The following AGPS variants were observed in gnomAD, a reference collection of about 807,000 sequenced individuals.
AGPS encodes alkyldihydroxyacetonephosphate synthase, peroxisomal.
AGPS carries 26 observed loss-of-function variants against 90.7 expected under a neutral mutation model. The ratio of observed to expected loss-of-function variants is 0.29; its 90% CI spans 0.21 to 0.40. The LOEUF (loss-of-function observed/expected upper bound fraction) is 0.40. Among genes scored for constraint, AGPS ranks in the 10% least tolerant of loss-of-function variants. AGPS has a pLI of 1.00. For missense variants in AGPS, 540 were observed against 816.1 expected, an observed-to-expected ratio of 0.66 and a Z score of 4.12; for synonymous variants, 294 against 285.3, an observed-to-expected ratio of 1.03 and a Z score of -0.31.
At chr2:177,413,150 G>C (rs1285491001) in intron 1 of AGPS, among the ~76,000 whole-genome samples, 1 of 152,176 alleles carries the variant, frequency 6.6e-6, no homozygotes, top group Non-Finnish European at 1.5e-5. Flanking sequence ...GAACCCAAAG[G>C]GGGTTGCCCA....
intron 11 of AGPS, among the ~76,000 whole-genome samples, chr2:177,486,711 C>G (rs1010988176): frequency 2.3e-5 from 1 of 42,914 alleles, no homozygotes; most frequent in Non-Finnish European, 7.7e-5. Context: ...TGACTGTTCA[C>G]AAATAGCAAA....
intron 11 of AGPS, among the ~76,000 whole-genome samples, chr2:177,490,358 C>A (rs1194551330): frequency 6.6e-6 from 1 of 152,040 alleles, no homozygotes; most frequent in African/African-American, 2.4e-5. Flanking sequence ...TTAGTTATGA[C>A]AATAACTGAA....
At chr2:177,521,650 T>C (rs1269363973) in intron 18 of AGPS, among the ~76,000 whole-genome samples, 1 of 152,204 alleles carries the variant, frequency 6.6e-6, no homozygotes, top group East Asian at 1.9e-4. Flanking sequence ...ATTAAATAAC[T>C]ATATAGGAAT....
intron 10 of AGPS, among the ~76,000 whole-genome samples, chr2:177,477,042 G>C (rs1440719994): frequency 6.6e-6 from 1 of 151,964 alleles, no homozygotes; most frequent in South Asian, 2.1e-4. Flanking sequence ...TGAATTTAAA[G>C]TGTAGATTCT....
chr2:177,499,751 T>C (rs1688506119), intron 14 of AGPS, 21 bp downstream of exon 14: 1 of 1,462,504 alleles, frequency 6.8e-7, no homozygotes, highest in Non-Finnish European at 9.6e-7. Flanking sequence ...AAGTTCATAA[T>C]GCCAAGAGAA....
At chr2:177,438,248 G>A (rs1351173990) in intron 5 of AGPS, among the ~76,000 whole-genome samples, 1 of 152,080 alleles carries the variant, frequency 6.6e-6, no homozygotes, top group African/African-American at 2.4e-5. Context: ...TTTTCTTCAT[G>A]TCTTTCAATA....
chr2:177,521,399 C>T (rs368010739), intron 18 of AGPS, 31 bp downstream of exon 18: 6 of 1,493,490 alleles, frequency 4.0e-6, no homozygotes, highest in Non-Finnish European at 5.6e-6. Flanking sequence ...ATAGCTTTTA[C>T]AGCTGTTGAT....
rs920897913 is a variant in AGPS, at chr2:177,539,323, T to C, written c.*1128T>C. The C allele has an allele frequency of 9.9e-5, 15 of 152,146 alleles. No individual in the cohort carries two copies. The highest frequency in any genetic ancestry group is 3.4e-4 in the African/African-American group (14 of 41,566). 9.4% of individuals were successfully genotyped at this position (152,146 alleles called of 1,614,324 possible). A position where few individuals can be genotyped will look rare whatever the true frequency, so the allele number is the denominator to read the frequency against. ...TTTAAATGTAATGTATTAATGCATA[T>C]ACCATAATCAAAAGTTTGAAATATC... On this transcript the variant is annotated 3_prime_UTR_variant, in exon 20 of 20. Transcript: ENST00000264167.
intron 19 of AGPS, among the ~76,000 whole-genome samples, chr2:177,526,866 C>T (rs1234652683): frequency 1.3e-5 from 2 of 152,182 alleles, no homozygotes; most frequent in Non-Finnish European, 2.9e-5. Flanking sequence ...AGGTGTTCTG[C>T]ATACTTAACC....
At chr2:177,468,118 C>A (rs1250390952) in intron 9 of AGPS, among the ~76,000 whole-genome samples, 1 of 151,922 alleles carries the variant, frequency 6.6e-6, no homozygotes, top group Non-Finnish European at 1.5e-5. Context: ...ATATGGATAA[C>A]CCTAAATTTG....
intron 1 of AGPS, among the ~76,000 whole-genome samples, chr2:177,408,276 C>A (rs1032199975): frequency 6.6e-6 from 1 of 152,106 alleles, no homozygotes; most frequent in Non-Finnish European, 1.5e-5. Flanking sequence ...CATGGCTCAC[C>A]ATTGCTTGCT....
chr2:177,516,675 A>G (rs1689031329), intron 17 of AGPS, among the ~76,000 whole-genome samples: 1 of 152,124 alleles, frequency 6.6e-6, no homozygotes, highest in Admixed American at 6.5e-5. Flanking sequence ...TAATACATAG[A>G]TGCTGGATTT....
At position 177,423,333 on chromosome 2, in the gene AGPS, T is replaced by TTATTGAGTATCAGCCAAACAG. The variant is rs370005619; in HGVS notation, c.350+2976_350+2977insATTGAGTATCAGCCAAACAGT. On this transcript the variant is annotated intron_variant, in intron 2 of 19. Transcript: ENST00000264167. ...AAGACTGAGTACAAGAAAACACTGTTTGGCTGAACAGTATTAATTCACTCT... is the reference window on the plus strand; with the variant it reads ...AAGACTGAGTACAAGAAAACACTGTTTATTGAGTATCAGCCAAACAGTGGCTGAACAGTATTAATTCACTCT... Among the ~76,000 whole-genome samples, 2 of 16,048 alleles carry TTATTGAGTATCAGCCAAACAG rather than the reference T, an allele frequency of 1.2e-4. 1 individual carries two copies. The highest frequency in any genetic ancestry group is 4.2e-4 in the Non-Finnish European group (2 of 4,762). The allele number at this position is 16,048 out of a possible 152,430, so 10.5% of individuals were successfully genotyped here. A position where few individuals can be genotyped will look rare whatever the true frequency, so the allele number is the denominator to read the frequency against.
At position 177,499,161 on chromosome 2, in the gene AGPS, C is replaced by A. The variant is rs527923761; in HGVS notation, c.1363-457C>A. On this transcript the variant is annotated intron_variant, in intron 13 of 19. Transcript: ENST00000264167. ...TATTTCTTTTTAAGATTGTTAGATA[C>A]TGTTTTTGTTTTATGCATAAGATCG... Among the ~76,000 whole-genome samples the A allele has an allele frequency of 2.6e-4, 39 of 151,758 alleles. No homozygotes were observed. In the South Asian group the frequency reaches 4.1e-3, roughly 16 times the overall value.
chr2:177,506,821 C>T (rs1049776496), intron 15 of AGPS, among the ~76,000 whole-genome samples: 6 of 151,862 alleles, frequency 4.0e-5, no homozygotes, highest in Admixed American at 1.3e-4. Flanking sequence ...ATAGTTTCTT[C>T]CCATAGTAAG....
At chr2:177,485,208 G>T (rs1375295867) in intron 11 of AGPS, among the ~76,000 whole-genome samples, 1 of 152,078 alleles carries the variant, frequency 6.6e-6, no homozygotes, top group Non-Finnish European at 1.5e-5. Context: ...CCCCTCTATA[G>T]AACACAGATT....
chr2:177,480,403 A>C (rs1007780931), intron 10 of AGPS, among the ~76,000 whole-genome samples: 1 of 152,228 alleles, frequency 6.6e-6, no homozygotes, highest in African/African-American at 2.4e-5. Flanking sequence ...AGCCATAAAA[A>C]ATGATGAGTT....
chr2:177,466,037 CAT>C (rs1687436420), intron 9 of AGPS, among the ~76,000 whole-genome samples: 1 of 152,210 alleles, frequency 6.6e-6, no homozygotes, highest in Non-Finnish European at 1.5e-5. Flanking sequence ...AGAGGAGACT[CAT>C]ATTGGGTAGC....
Position 177,403,839 on chromosome 2 carries a change from G to A in AGPS, c.260+10790G>A, listed in dbSNP as rs573411584. ...TGACTCAGGAAGTATTGTATTATAT[G>A]TAGGTACCATTTATCTGATGAGGAC... is the stretch of plus-strand genomic sequence containing the variant. On this transcript the variant is annotated intron_variant, in intron 1 of 19. Transcript: ENST00000264167. 4.9e-4 allele frequency among the ~76,000 whole-genome samples: 75 copies of A among 152,280 alleles called. 1 individual carries two copies. Among genetic ancestry groups the A allele is most frequent in the African/African-American group, 1.7e-3 (72 of 41,550 alleles).
Sources: gnomAD v4.1 joint callset for allele counts (sites outside exome capture counted in the v4.1 genomes callset) on GRCh38, gnomAD v4.1.1 for gene constraint, MANE v1.5 for transcripts, NCBI Gene and HGNC (gene_info 2026-07-23, HGNC 2026-07-21) for gene names.